MARVELD3: variants seen among roughly 807,000 people sequenced by gnomAD.
The protein encoded by MARVELD3 is MARVEL domain containing 3.
A neutral mutation model predicts 33.5 loss-of-function variants in MARVELD3; 28 were observed. The ratio of observed to expected loss-of-function variants is 0.84; its 90% CI spans 0.62 to 1.15. The LOEUF (loss-of-function observed/expected upper bound fraction) is 1.15, where lower values mean the gene tolerates loss of function less well. Among genes scored for constraint, MARVELD3 ranks in the 50% most tolerant of loss-of-function variants. MARVELD3 has a pLI of 0.00. For missense variants in MARVELD3, 582 were observed against 547.6 expected (o/e 1.06, Z -0.63); for synonymous variants, 241 against 230.4 (o/e 1.05, Z -0.42).
chr16:71,631,500 G>T (rs1371341221), intron 2 of MARVELD3, among the ~76,000 whole-genome samples: 1 of 151,910 alleles, frequency 6.6e-6, no homozygotes. Context: ...CTGGAGTGCA[G>T]TGGCATGATC....
At chr16:71,640,005 AC>A (rs1441290544), downstream of MARVELD3, among the ~76,000 whole-genome samples, 1 of 152,176 alleles carries the variant, frequency 6.6e-6, no homozygotes, top group East Asian at 1.9e-4. Flanking sequence ...GAGGTGGCTT[AC>A]GCCTGTAATC....
downstream of MARVELD3, chr16:71,640,803 A>G (rs776090935): frequency 9.3e-6 from 15 of 1,614,084 alleles, no homozygotes; most frequent in South Asian, 1.3e-4. Flanking sequence ...TTGCAAAACA[A>G]GAGAGAGGCT....
Position 71,626,318 on chromosome 16 carries a change from C to G in MARVELD3, c.89C>G (p.Thr30Ser). Reference sequence around the variant, plus strand: ...CGCCCCCACCCAGACCAAGGCCGCACCCACGATCGACCGCGGGACCGACCC... The same window carrying G: ...CGCCCCCACCCAGACCAAGGCCGCAGCCACGATCGACCGCGGGACCGACCC... ...GRRPHPDQGR[T>S]HDRPRDRPGD... Residue 30 changes from threonine (T) to serine (S), a missense_variant, in exon 1 of 3, where the codon ACC becomes AGC. Physicochemically the swap from Thr to Ser is moderately conservative, Grantham distance 58. Coordinates refer to ENST00000268485, the MANE Select transcript of MARVELD3 (RefSeq NM_052858.6). This position sits in a 1 kb window ranked among gnomAD's most constrained non-coding sequence, Gnocchi z 5.3. 2 of 1,548,348 alleles carry G rather than the reference C, an allele frequency of 1.3e-6. No homozygotes were observed. The highest frequency in any genetic ancestry group is 1.2e-5 in the South Asian group (1 of 83,952).
chr16:71,636,274 T>TA lies in MARVELD3; in HGVS notation c.*1475dup. The TA allele has an allele frequency of 1.9e-6, 1 of 537,866 alleles. No individual in the cohort carries two copies. The highest frequency in any genetic ancestry group is 2.4e-6 in the Non-Finnish European group (1 of 420,342). 33.3% of individuals were successfully genotyped at this position (537,866 alleles called of 1,614,324 possible). ...TTAAATACAGACAATTTTTCACATT[T>TA]AAAAGGTGAGTTCCATTTGAGTTTA... On this transcript the variant is annotated 3_prime_UTR_variant, in exon 3 of 3. Coordinates refer to ENST00000268485, the MANE Select transcript of MARVELD3 (RefSeq NM_052858.6).
chr16:71,641,004 T>C (rs746438834), downstream of MARVELD3: 5 of 1,609,216 alleles, frequency 3.1e-6, no homozygotes, highest in Admixed American at 8.4e-5. Flanking sequence ...TGCACCGGAA[T>C]ATCTGTGGTC....
chr16:71,640,310 A>G (rs1195812823), downstream of MARVELD3: 3 of 1,490,246 alleles, frequency 2.0e-6, no homozygotes, highest in Non-Finnish European at 2.7e-6. Context: ...CGTCCTTAAA[A>G]TCAGGTGGCC....
At position 71,634,791 on chromosome 16, in the gene MARVELD3, G is replaced by A. The variant is rs759581504; in HGVS notation, c.1194G>A (p.Met398Ile). 6.3e-7 allele frequency: 1 copy of A among 1,597,668 alleles called. No homozygotes were observed. Among genetic ancestry groups the A allele is most frequent in the Non-Finnish European group, 8.5e-7 (1 of 1,173,530 alleles). Residue 398 changes from methionine to isoleucine, a missense_variant, in exon 3 of 3, where the codon ATG (methionine) becomes ATA (isoleucine). Met to Ile is a conservative substitution (Grantham distance 10). Transcript: ENST00000268485. The stretch of plus-strand genomic sequence containing the variant: ...AGCTAAAAGAGAAGCCAGCAGAAAT[G>A]TTTGAATTTTAAGGGTTTCTAAAAC... The part of the protein sequence containing the change: ...VRKLKEKPAE[M>I]FEF
downstream of MARVELD3, chr16:71,640,487 C>T (rs775242241): frequency 1.2e-6 from 2 of 1,614,134 alleles, no homozygotes; most frequent in Admixed American, 3.3e-5. Context: ...CCAGCTTTTC[C>T]AGCGGCGGTG....
At chr16:71,627,730 A>G (rs193254639) in intron 1 of MARVELD3, among the ~76,000 whole-genome samples, 2 of 137,624 alleles carry the variant, frequency 1.5e-5, no homozygotes, top group African/African-American at 5.3e-5. Context: ...CCTTGTAAGG[A>G]GAAAGGTTCA....
Position 71,635,136 on chromosome 16 carries a change from T to C in MARVELD3, c.*333T>C. Reference sequence around the variant, plus strand: ...TGAGGTCAGGAGCTCGAGACCAGCTTGGCCAACATGGTGAGCCCCCGTCTC... The same window carrying C: ...TGAGGTCAGGAGCTCGAGACCAGCTCGGCCAACATGGTGAGCCCCCGTCTC... On this transcript the variant is annotated 3_prime_UTR_variant, in exon 3 of 3. Transcript: ENST00000268485. 1 of 860,796 alleles carries C rather than the reference T, an allele frequency of 1.2e-6. No homozygotes were observed. The highest frequency in any genetic ancestry group is 1.4e-6 in the Non-Finnish European group (1 of 706,910). 53.3% of individuals were successfully genotyped at this position (860,796 alleles called of 1,614,324 possible).
chr16:71,638,717 C>T (rs1027013589), downstream of MARVELD3: 8 of 152,162 alleles, frequency 5.3e-5, no homozygotes, highest in African/African-American at 1.9e-4. Flanking sequence ...TAATATACTG[C>T]ATAACTAGTA....
rs996832142 is a variant in MARVELD3, at chr16:71,634,432, G to T, written c.835G>T (p.Ala279Ser). The T allele has an allele frequency of 6.2e-7, 1 of 1,614,108 alleles. No individual in the cohort carries two copies. Among genetic ancestry groups the T allele is most frequent in the African/African-American group, 1.3e-5 (1 of 74,940 alleles). Residue 279 changes from alanine to serine, a missense_variant, in exon 3 of 3, where the codon GCC (alanine) becomes TCC (serine). Physicochemically the swap from Ala to Ser is moderately conservative, Grantham distance 99. Coordinates refer to ENST00000268485, the MANE Select transcript of MARVELD3 (RefSeq NM_052858.6). Reference protein sequence around the residue: ...MVTVAMACSGALTALCCLFVA... With the variant: ...MVTVAMACSGSLTALCCLFVA... Reference sequence around the variant, plus strand: ...CACTGTGGCAATGGCCTGTAGTGGAGCCCTCACAGCCCTCTGCTGCCTCTT... The same window carrying T: ...CACTGTGGCAATGGCCTGTAGTGGATCCCTCACAGCCCTCTGCTGCCTCTT...
At position 71,636,248 on chromosome 16, in the gene MARVELD3, C is replaced by G. The variant is rs1447102001; in HGVS notation, c.*1445C>G. 6 of 724,670 alleles carry G rather than the reference C, an allele frequency of 8.3e-6. No individual in the cohort carries two copies. Among genetic ancestry groups the G allele is most frequent in the Non-Finnish European group, 1.0e-5 (6 of 591,242 alleles). The allele number at this position is 724,670 out of a possible 1,614,324, so 44.9% of individuals were successfully genotyped here. A position where few individuals can be genotyped will look rare whatever the true frequency, so the allele number is the denominator to read the frequency against. On this transcript the variant is annotated 3_prime_UTR_variant, in exon 3 of 3. Coordinates refer to ENST00000268485, the MANE Select transcript of MARVELD3 (RefSeq NM_052858.6). ...CTTTACAATACATTTATAATATTCT[C>G]TTAAATACAGACAATTTTTCACATT...
At position 71,635,050 on chromosome 16, in the gene MARVELD3, G is replaced by A. The variant is rs1241807999; in HGVS notation, c.*247G>A. 4.3e-6 allele frequency: 5 copies of A among 1,169,466 alleles called. No individual in the cohort carries two copies. In the Admixed American group the frequency reaches 1.7e-4, roughly 39 times the overall value. 72.4% of individuals were successfully genotyped at this position (1,169,466 alleles called of 1,614,324 possible). ...TTTTTCAAAAAGCAAAAAAATGGCC[G>A]GCCTCGGCGGCTCACACCTGTAACC... On this transcript the variant is annotated 3_prime_UTR_variant, in exon 3 of 3. Coordinates refer to ENST00000268485, the MANE Select transcript of MARVELD3 (RefSeq NM_052858.6).
Position 71,635,345 on chromosome 16 carries a change from A to C in MARVELD3, c.*542A>C. ...CTCCATCTCAAAAAAAAAAAAAAGC[A>C]AAAAAACTGGACCCCAAGAGCCACA... On this transcript the variant is annotated 3_prime_UTR_variant, in exon 3 of 3. Transcript: ENST00000268485. 2 of 985,330 alleles carry C rather than the reference A, an allele frequency of 2.0e-6. No homozygotes were observed. The highest frequency in any genetic ancestry group is 2.4e-6 in the Non-Finnish European group (2 of 830,364). 61.0% of individuals were successfully genotyped at this position (985,330 alleles called of 1,614,324 possible). A position where few individuals can be genotyped will look rare whatever the true frequency, so the allele number is the denominator to read the frequency against.
chr16:71,633,696 T>G, intron 2 of MARVELD3, among the ~76,000 whole-genome samples: 1 of 114,346 alleles, frequency 8.7e-6, no homozygotes, highest in African/African-American at 2.8e-5. Flanking sequence ...TACCCAGTCT[T>G]TTTTTTTTTT....
rs998809345 is a variant in MARVELD3 at position 71,629,124 on chromosome 16, G to C, written c.468-243G>C. ...GCTACCTGGTGAGACAGCTCCCAGG[G>C]GCAGACAAACCATCAGCGGTACCAA... On this transcript the variant is annotated intron_variant, in intron 1 of 2. Coordinates refer to ENST00000268485, the MANE Select transcript of MARVELD3 (RefSeq NM_052858.6). 1.1e-5 allele frequency: 5 copies of C among 443,824 alleles called. No homozygotes were observed. In the South Asian group the frequency reaches 2.3e-4, roughly 20 times the overall value. 27.5% of individuals were successfully genotyped at this position (443,824 alleles called of 1,614,324 possible). A position where few individuals can be genotyped will look rare whatever the true frequency, so the allele number is the denominator to read the frequency against.
Position 71,626,452 on chromosome 16 carries a change from C to T in MARVELD3, c.223C>T (p.Arg75Trp). ...RDGNRDRNRD[R>W]ERERERERDP... ...CGGGAACCGCGACCGGAACCGGGAC[C>T]GGGAGAGGGAGAGAGAGAGGGAAAG... The change falls in exon 1 of 3, where the codon CGG (arginine) becomes TGG (tryptophan). Residue 75 changes from arginine to tryptophan, a missense_variant. Coordinates refer to ENST00000268485, the MANE Select transcript of MARVELD3 (RefSeq NM_052858.6). The surrounding 1 kb of genome is among the most constrained non-coding windows in gnomAD (Gnocchi z 5.3). 6.5e-7 allele frequency: 1 copy of T among 1,549,142 alleles called. No homozygotes were observed. Among genetic ancestry groups the T allele is most frequent in the Non-Finnish European group, 8.7e-7 (1 of 1,146,728 alleles).
downstream of MARVELD3, chr16:71,640,661 C>T (rs1343660257): frequency 1.2e-6 from 2 of 1,614,226 alleles, no homozygotes; most frequent in South Asian, 2.2e-5. Flanking sequence ...TCCAAGGAGC[C>T]AAGAGTCGAA....
Sources: gnomAD v4.1 joint callset for allele counts (sites outside exome capture counted in the v4.1 genomes callset) on GRCh38, gnomAD v4.1.1 for gene constraint, Gnocchi (gnomAD v3.1) non-coding constraint, MANE v1.5 for transcripts, NCBI Gene and HGNC (gene_info 2026-07-23, HGNC 2026-07-21) for gene names.